Variants in PIP5K1B observed in about 807,000 individuals in gnomAD.
PIP5K1B encodes the protein phosphatidylinositol 4-phosphate 5-kinase type-1 beta.
PIP5K1B carries 42 observed loss-of-function variants against 67.0 expected under a neutral mutation model. That is an observed-to-expected ratio of 0.63 (90% CI 0.49 to 0.81). The LOEUF is 0.81. PIP5K1B is among the 30% of genes least tolerant of loss of function. The pLI, the probability that PIP5K1B is intolerant of heterozygous loss-of-function variation, is 0.00. For synonymous variants in PIP5K1B, 214 were observed against 231.4 expected (o/e 0.92, Z 0.68); for missense variants, 459 against 646.3 (o/e 0.71, Z 3.14).
At chr9:68,976,664 A>T (rs535581347) in intron 14 of PIP5K1B, among the ~76,000 whole-genome samples, 1 of 152,350 alleles carries the variant, frequency 6.6e-6, no homozygotes, top group Admixed American at 6.5e-5. Context: ...GGATGGTTTC[A>T]GAATGAAACT....
chr9:68,719,692 T>C (rs1827794612), intron 1 of PIP5K1B, among the ~76,000 whole-genome samples: 1 of 152,250 alleles, frequency 6.6e-6, no homozygotes, highest in Non-Finnish European at 1.5e-5. Context: ...ACACGACTTT[T>C]GTTTACATTT....
At chr9:68,789,174 G>T in intron 2 of PIP5K1B, 3 of 563,958 alleles carry the variant, frequency 5.3e-6, no homozygotes, top group South Asian at 4.6e-5. Context: ...AGGCACCATT[G>T]ACAGTTATCC....
At chr9:68,836,744 A>G (rs1357341003) in intron 4 of PIP5K1B, among the ~76,000 whole-genome samples, 1 of 152,084 alleles carries the variant, frequency 6.6e-6, no homozygotes, top group African/African-American at 2.4e-5. Context: ...AAGAAACTAC[A>G]CTTTATGATA....
At chr9:69,006,410 C>T (rs1268779217) in intron 15 of PIP5K1B, among the ~76,000 whole-genome samples, 1 of 152,138 alleles carries the variant, frequency 6.6e-6, no homozygotes, top group South Asian at 2.1e-4. Context: ...TGCAGCTTTA[C>T]AACTCTACGC....
At chr9:68,726,425 A>T (rs780174260) in intron 1 of PIP5K1B, among the ~76,000 whole-genome samples, 12 of 152,224 alleles carry the variant, frequency 7.9e-5, no homozygotes, top group African/African-American at 9.6e-5. Context: ...ATCTGTACTC[A>T]TGACATTGGA....
At chr9:68,864,470 T>C (rs1051378447) in intron 5 of PIP5K1B, among the ~76,000 whole-genome samples, 2 of 152,262 alleles carry the variant, frequency 1.3e-5, no homozygotes, top group African/African-American at 4.8e-5. Context: ...ATAATCCTGC[T>C]GTTTGCAAAA....
chr9:68,831,516 A>G (rs998790034), intron 4 of PIP5K1B, among the ~76,000 whole-genome samples: 1 of 152,128 alleles, frequency 6.6e-6, no homozygotes, highest in African/African-American at 2.4e-5. Context: ...TTTCTTCAGG[A>G]TCTGTAAGAC....
chr9:68,876,036 T>G (rs1823876503), intron 5 of PIP5K1B, among the ~76,000 whole-genome samples: 1 of 152,214 alleles, frequency 6.6e-6, no homozygotes, highest in Non-Finnish European at 1.5e-5. Flanking sequence ...TGGTTTATTC[T>G]TTGTACATTT....
At chr9:68,765,413 A>G (rs914494030) in intron 2 of PIP5K1B, among the ~76,000 whole-genome samples, 2 of 152,084 alleles carry the variant, frequency 1.3e-5, no homozygotes, top group Non-Finnish European at 2.9e-5. Flanking sequence ...AATATTTCAT[A>G]ATGATGCCTA....
intron 6 of PIP5K1B, 77 bp from the exon 7 acceptor site, chr9:68,888,904 A>C: frequency 1.0e-6 from 1 of 968,028 alleles, no homozygotes; most frequent in Non-Finnish European, 1.6e-6. Context: ...TAAGATGTGC[A>C]ATGCTATGAT....
chr9:68,837,595 T>C (rs1426938289), intron 4 of PIP5K1B, among the ~76,000 whole-genome samples: 2 of 136,206 alleles, frequency 1.5e-5, no homozygotes, highest in East Asian at 4.2e-4. Context: ...CTTTTACTTT[T>C]CCTTACTTTG....
At chr9:69,001,346 T>TC (rs1242721157) in intron 15 of PIP5K1B, among the ~76,000 whole-genome samples, 2 of 151,872 alleles carry the variant, frequency 1.3e-5, no homozygotes, top group African/African-American at 4.8e-5. Flanking sequence ...ACCATATTCC[T>TC]CCCCCCACAT....
chr9:68,753,717 G>C (rs2132359656), intron 2 of PIP5K1B, among the ~76,000 whole-genome samples: 1 of 152,010 alleles, frequency 6.6e-6, no homozygotes, highest in Non-Finnish European at 1.5e-5. Context: ...GTAGAGACGG[G>C]GTTTCACCAT....
At chr9:68,988,443 GGTTTTTTTTTTT>G (rs1205820075) in intron 14 of PIP5K1B, among the ~76,000 whole-genome samples, 6 of 119,058 alleles carry the variant, frequency 5.0e-5, no homozygotes, top group East Asian at 2.5e-4. Flanking sequence ...GTTTTTTTGG[GGTTTTTTTTTTT>G]TTTTTTTTTT....
At chr9:68,919,078 T>G (rs921275457) in intron 9 of PIP5K1B, among the ~76,000 whole-genome samples, 9 of 152,238 alleles carry the variant, frequency 5.9e-5, no homozygotes, top group Non-Finnish European at 1.0e-4. Flanking sequence ...ATTTTATTTT[T>G]AAAAGTAAAC....
intron 8 of PIP5K1B, among the ~76,000 whole-genome samples, chr9:68,906,512 A>G (rs1336209136): frequency 2.6e-5 from 4 of 152,238 alleles, no homozygotes; most frequent in African/African-American, 4.8e-5. Context: ...AAAAGGATAC[A>G]TCTGCGAACT....
chr9:68,963,917 G>C (rs1197190584), intron 14 of PIP5K1B: 1 of 152,182 alleles, frequency 6.6e-6, no homozygotes, highest in Non-Finnish European at 1.5e-5. Context: ...ATGAAAGCTT[G>C]AGTTCTGATC....
At chr9:68,806,659 G>T (rs1208561722) in intron 2 of PIP5K1B, among the ~76,000 whole-genome samples, 1 of 152,054 alleles carries the variant, frequency 6.6e-6, no homozygotes, top group African/African-American at 2.4e-5. Flanking sequence ...TACCAGACAT[G>T]CCATGGCCCT....
chr9:68,725,460 C>T (rs1828105447), intron 1 of PIP5K1B, among the ~76,000 whole-genome samples: 1 of 152,168 alleles, frequency 6.6e-6, no homozygotes, highest in Admixed American at 6.5e-5. Context: ...GCATTGCACA[C>T]ATTAGAGAAT....
Sources: gnomAD v4.1 joint callset for allele counts (sites outside exome capture counted in the v4.1 genomes callset) on GRCh38, gnomAD v4.1.1 for gene constraint, MANE v1.5 for transcripts, NCBI Gene and HGNC (gene_info 2026-07-23, HGNC 2026-07-21) for gene names.